HCN4: variants seen among roughly 807,000 people sequenced by gnomAD.
HCN4 encodes the protein hyperpolarization activated cyclic nucleotide gated potassium channel 4.
HCN4 carries 29 observed loss-of-function variants against 76.9 expected under a neutral mutation model. That is an observed-to-expected ratio of 0.38 (90% CI 0.28 to 0.51). The LOEUF is 0.51. HCN4 is among the 20% of genes least tolerant of loss of function. The probability of loss-of-function intolerance (pLI) is 0.90; values close to 1 mark genes in which losing one functional copy is unlikely to be tolerated. For synonymous variants in HCN4, 772 were observed against 762.5 expected, an observed-to-expected ratio of 1.01 and a Z score of -0.21; for missense variants, 1,416 against 1,715.2, an observed-to-expected ratio of 0.83 and a Z score of 3.08.
intron 1 of HCN4, among the ~76,000 whole-genome samples, chr15:73,360,411 G>A (rs1030003880): frequency 5.9e-5 from 9 of 152,168 alleles, no homozygotes; most frequent in Non-Finnish European, 1.3e-4. Flanking sequence ...CAGGCCAGCG[G>A]CTTGCTAAGG....
chr15:73,365,400 A>C (rs943303258), intron 1 of HCN4, among the ~76,000 whole-genome samples: 1 of 152,166 alleles, frequency 6.6e-6, no homozygotes, highest in Admixed American at 6.5e-5. Flanking sequence ...GCACAAACCC[A>C]AATTCAAAGC....
rs529347127 is a variant in HCN4, at chr15:73,358,039, G to A, written c.785+9447C>T. 2.6e-5 allele frequency among the ~76,000 whole-genome samples: 4 copies of A among 152,264 alleles called. No homozygotes were observed. In the East Asian group the frequency reaches 7.7e-4, roughly 29 times the overall value. On this transcript the variant is annotated intron_variant, in intron 1 of 7. Transcript: ENST00000261917. ...GCTCTGCTCTCTTCAGCCTCATACTGAGGCCCGACCCTGGACACTGAGAGA... is the reference window on the plus strand; with the variant it reads ...GCTCTGCTCTCTTCAGCCTCATACTAAGGCCCGACCCTGGACACTGAGAGA...
intron 1 of HCN4, among the ~76,000 whole-genome samples, chr15:73,346,880 C>A (rs2043032175): frequency 6.6e-6 from 1 of 152,230 alleles, no homozygotes; most frequent in African/African-American, 2.4e-5. Flanking sequence ...GAAAGCCAGG[C>A]CCTGCCAGAG....
Position 73,368,166 on chromosome 15 carries a change from C to T in HCN4, c.105G>A (p.Glu35=). ...IMDEEEDAEE[E]GAGGRQDPSR... ...TGGGGTCTTGGCGGCCCCCGGCCCC[C>T]TCCTCCTCGGCGTCCTCTTCCTCGT... is the stretch of plus-strand genomic sequence containing the variant. The change falls in exon 1 of 8, where the codon GAG becomes GAA. Residue 35 remains glutamate (E), a synonymous_variant. Coordinates refer to ENST00000261917, the MANE Select transcript of HCN4 (RefSeq NM_005477.3). The surrounding 1 kb of genome is among the most constrained non-coding windows in gnomAD (Gnocchi z 6.9). 1 of 1,529,598 alleles carries T rather than the reference C, an allele frequency of 6.5e-7. No homozygotes were observed. Among genetic ancestry groups the T allele is most frequent in the Non-Finnish European group, 8.8e-7 (1 of 1,139,712 alleles). The allele number at this position is 1,529,598 out of a possible 1,614,324, so 94.8% of individuals were successfully genotyped here.
chr15:73,360,891 G>A (rs118182836), intron 1 of HCN4, among the ~76,000 whole-genome samples: 1,928 of 152,292 alleles, frequency 0.013, 15 homozygotes, highest in Middle Eastern at 0.031. Flanking sequence ...ACGTGGCTGG[G>A]TGTAAGACAG....
intron 4 of HCN4, among the ~76,000 whole-genome samples, chr15:73,327,312 T>C (rs2042906018): frequency 6.6e-6 from 1 of 151,804 alleles, no homozygotes; most frequent in Non-Finnish European, 1.5e-5. Context: ...AGTTTCACCA[T>C]GTTGGCCAGG....
intron 2 of HCN4, among the ~76,000 whole-genome samples, chr15:73,337,250 T>A (rs1231827018): frequency 6.6e-6 from 1 of 152,252 alleles, no homozygotes; most frequent in Non-Finnish European, 1.5e-5. Flanking sequence ...CTATCTGAAA[T>A]GACATTCACT....
At chr15:73,364,894 CTG>C (rs1365425825) in intron 1 of HCN4, among the ~76,000 whole-genome samples, 5 of 152,248 alleles carry the variant, frequency 3.3e-5, no homozygotes, top group African/African-American at 1.2e-4. Flanking sequence ...ACAGCCAGCC[CTG>C]AACTCCAAAC....
chr15:73,354,107 G>A (rs2043067296), intron 1 of HCN4, among the ~76,000 whole-genome samples: 1 of 152,152 alleles, frequency 6.6e-6, no homozygotes, highest in South Asian at 2.1e-4. Context: ...GGGCATCTGG[G>A]GCTTGGTTTA....
Position 73,322,247 on chromosome 15 carries a change from C to T in HCN4, c.*234G>A. On this transcript the variant is annotated 3_prime_UTR_variant, in exon 8 of 8. Transcript: ENST00000261917. ...ATTTGGGACCTGCCTGCTCCCTCCT[C>T]CCTCCCCCTCCCTCCCTCTAGTGCT... 3 of 342,348 alleles carry T rather than the reference C, an allele frequency of 8.8e-6. No individual in the cohort carries two copies. The highest frequency in any genetic ancestry group is 2.3e-5 in the South Asian group (1 of 42,906). The allele number at this position is 342,348 out of a possible 1,614,324, so 21.2% of individuals were successfully genotyped here.
chr15:73,330,116 G>C (rs141668255), intron 3 of HCN4, among the ~76,000 whole-genome samples: 5 of 152,180 alleles, frequency 3.3e-5, no homozygotes, highest in African/African-American at 7.2e-5. Context: ...CTGAGCCACC[G>C]TGCTGTCCTT....
At chr15:73,326,755 T>C (rs1339020241) in intron 4 of HCN4, among the ~76,000 whole-genome samples, 1 of 151,900 alleles carries the variant, frequency 6.6e-6, no homozygotes, top group Non-Finnish European at 1.5e-5. Flanking sequence ...ATGCATTTTC[T>C]TTTCTTTTTT....
intron 1 of HCN4, among the ~76,000 whole-genome samples, chr15:73,359,316 C>T (rs1033096244): frequency 2.0e-5 from 3 of 152,218 alleles, no homozygotes; most frequent in African/African-American, 4.8e-5. Flanking sequence ...GAACACCAAA[C>T]ACCAGCCCCA....
intron 1 of HCN4, among the ~76,000 whole-genome samples, chr15:73,362,088 C>T (rs1045818572): frequency 6.6e-6 from 1 of 152,252 alleles, no homozygotes; most frequent in African/African-American, 2.4e-5. Flanking sequence ...CCAGCTTCTT[C>T]CTGTTCACAC....
chr15:73,355,328 G>A lies in HCN4; in HGVS notation c.786-11520C>T, dbSNP rs150422898. Among the ~76,000 whole-genome samples the A allele has an allele frequency of 2.6e-4, 39 of 152,260 alleles. No homozygotes were observed. The East Asian group carries it at 7.5e-3, about 29-fold the overall frequency. On this transcript the variant is annotated intron_variant, in intron 1 of 7. Transcript: ENST00000261917. ...CTGTCTCTTCCTCAGTTTCCCCATT[G>A]GCACAACACGAGGATGGAGCTAGAC...
intron 1 of HCN4, among the ~76,000 whole-genome samples, chr15:73,364,561 G>T (rs1316398279): frequency 6.6e-6 from 1 of 152,144 alleles, no homozygotes; most frequent in Non-Finnish European, 1.5e-5. Flanking sequence ...ATGTCCTGAG[G>T]GGCTGCAGCA....
chr15:73,325,796 T>G lies in HCN4; in HGVS notation c.1591-352A>C, dbSNP rs2042895439. ...ATCACATTTCCTTGGAATGTTACAC[T>G]GGGGACAGGGAGGCCTCACCGACTC... On this transcript the variant is annotated intron_variant, in intron 4 of 7. Transcript: ENST00000261917. This position sits in a 1 kb window ranked among gnomAD's most constrained non-coding sequence, Gnocchi z 7.4. Among the ~76,000 whole-genome samples, 1 of 152,126 alleles carries G rather than the reference T, an allele frequency of 6.6e-6. No individual in the cohort carries two copies. The highest frequency in any genetic ancestry group is 6.5e-5 in the Admixed American group (1 of 15,274).
At chr15:73,324,824 C>T in intron 6 of HCN4, 131 bp downstream of exon 6, 1 of 1,132,066 alleles carries the variant, frequency 8.8e-7, no homozygotes, top group Non-Finnish European at 1.3e-6. Context: ...ACACCCCTAC[C>T]CTGGGCTCAC....
At chr15:73,358,237 C>A (rs1157084974) in intron 1 of HCN4, among the ~76,000 whole-genome samples, 1 of 152,196 alleles carries the variant, frequency 6.6e-6, no homozygotes, top group Admixed American at 6.5e-5. Context: ...GCAGTCTCCC[C>A]TGCTGGACCA....
Sources: gnomAD v4.1 joint callset for allele counts (sites outside exome capture counted in the v4.1 genomes callset) on GRCh38, gnomAD v4.1.1 for gene constraint, Gnocchi (gnomAD v3.1) non-coding constraint, MANE v1.5 for transcripts, NCBI Gene and HGNC (gene_info 2026-07-23, HGNC 2026-07-21) for gene names.